NWD2: variants seen among roughly 807,000 people sequenced by gnomAD.
NWD2 encodes NACHT and WD repeat domain containing 2, also known as NACHT and WD repeat domain-containing protein 2.
In NWD2, 37 loss-of-function variants were observed where a neutral mutation model predicts 132.7. The observed-to-expected ratio is 0.28, with a 90% CI of 0.21 to 0.37. The LOEUF is 0.37. Among genes scored for constraint, NWD2 ranks in the 10% least tolerant of loss-of-function variants. The probability of loss-of-function intolerance (pLI) is 1.00; values close to 1 mark genes in which losing one functional copy is unlikely to be tolerated. For synonymous variants in NWD2, 705 were observed against 803.0 expected (o/e 0.88, Z 2.06); for missense variants, 1,592 against 2,122.4 (o/e 0.75, Z 4.91).
chr4:37,340,433 T>G (rs1475222286), intron 2 of NWD2, among the ~76,000 whole-genome samples: 3 of 152,192 alleles, frequency 2.0e-5, no homozygotes, highest in African/African-American at 7.2e-5. Context: ...GAGCCTCTGC[T>G]CTGTACCAGG....
intron 3 of NWD2, among the ~76,000 whole-genome samples, chr4:37,397,913 G>A (rs1720830781): frequency 6.6e-6 from 1 of 152,026 alleles, no homozygotes; most frequent in Non-Finnish European, 1.5e-5. Flanking sequence ...GTCTCATTGT[G>A]AGCACTCATT....
At chr4:37,304,100 A>G (rs1465227532) in intron 1 of NWD2, among the ~76,000 whole-genome samples, 1 of 152,222 alleles carries the variant, frequency 6.6e-6, no homozygotes, top group Non-Finnish European at 1.5e-5. Flanking sequence ...TAGGCTGTAC[A>G]GGAGGCATGG....
Position 37,245,109 on chromosome 4 carries a change from A to G in NWD2, c.42A>G (p.Arg14=). The G allele has an allele frequency of 6.5e-7, 1 of 1,547,286 alleles. No individual in the cohort carries two copies. Among genetic ancestry groups the G allele is most frequent in the Non-Finnish European group, 8.7e-7 (1 of 1,146,528 alleles). Residue 14 remains arginine (R), a synonymous_variant, in exon 1 of 7, where the codon CGA becomes CGG. Coordinates refer to ENST00000309447, the MANE Select transcript of NWD2 (RefSeq NM_001144990.2). ...AGAGTKLPCP[R]DSALRRAAFS... is the part of the protein sequence containing the mutation. ...CGGGCACCAAGCTGCCCTGTCCCCG[A>G]GACTCTGCGCTCCGGCGGGCGGCTT... is the stretch of plus-strand genomic sequence containing the variant.
intron 2 of NWD2, among the ~76,000 whole-genome samples, chr4:37,355,126 C>A (rs1719846907): frequency 2.0e-5 from 3 of 152,120 alleles, no homozygotes; most frequent in African/African-American, 4.8e-5. Flanking sequence ...TTAATTTTTA[C>A]TAATTTATAT....
intron 1 of NWD2, among the ~76,000 whole-genome samples, chr4:37,257,408 G>C (rs1386235083): frequency 6.6e-6 from 1 of 152,160 alleles, no homozygotes; most frequent in African/African-American, 2.4e-5. Context: ...GATTTTCCCA[G>C]ACTTGGGTAA....
intron 3 of NWD2, among the ~76,000 whole-genome samples, chr4:37,423,692 A>G (rs1199892363): frequency 6.6e-6 from 1 of 152,186 alleles, no homozygotes; most frequent in African/African-American, 2.4e-5. Flanking sequence ...CAGTCTACCA[A>G]TTCAAGTGCT....
At chr4:37,275,733 A>C (rs368491018) in intron 1 of NWD2, among the ~76,000 whole-genome samples, 257 of 152,316 alleles carry the variant, frequency 1.7e-3, no homozygotes, top group Middle Eastern at 0.01. Flanking sequence ...ACAGCATGGT[A>C]CTGGTACCAA....
In NWD2 at chr4:37,445,500, C is replaced by A; in HGVS notation, c.3512C>A (p.Thr1171Asn). The change falls in exon 7 of 7, where the codon ACT becomes AAT. Residue 1171 changes from threonine (T) to asparagine (N), a missense_variant. By Grantham distance (65) the Thr-to-Asn change is moderately conservative. Around this residue, in one of 7 missense-constraint regions of NWD2, gnomAD observed 1,071 missense variants for 1,398.0 expected, o/e 0.77. Coordinates refer to ENST00000309447, the MANE Select transcript of NWD2 (RefSeq NM_001144990.2). This position sits in a 1 kb window ranked among gnomAD's most constrained non-coding sequence, Gnocchi z 4.7. ...DSEGSLSVWN[T>N]EDISSPQLTD... ...GAAGGAAGTCTTTCTGTTTGGAATACTGAGGACATTTCCAGCCCCCAGCTG... is the reference window on the plus strand; with the variant it reads ...GAAGGAAGTCTTTCTGTTTGGAATAATGAGGACATTTCCAGCCCCCAGCTG... 1 of 1,551,834 alleles carries A rather than the reference C, an allele frequency of 6.4e-7. No homozygotes were observed. Among genetic ancestry groups the A allele is most frequent in the Non-Finnish European group, 8.7e-7 (1 of 1,147,042 alleles).
intron 1 of NWD2, among the ~76,000 whole-genome samples, chr4:37,291,342 C>T (rs1002709918): frequency 7.2e-5 from 11 of 151,890 alleles, no homozygotes; most frequent in African/African-American, 2.4e-4. Flanking sequence ...AAAAAATCTA[C>T]GGTGATTCAG....
chr4:37,431,769 C>CTT (rs1245779808), intron 4 of NWD2, among the ~76,000 whole-genome samples: 1 of 152,116 alleles, frequency 6.6e-6, no homozygotes, highest in Non-Finnish European at 1.5e-5. Context: ...AAATCCAAAG[C>CTT]TAAGAAACTA....
At chr4:37,354,871 T>C (rs1164549862) in intron 2 of NWD2, among the ~76,000 whole-genome samples, 1 of 152,208 alleles carries the variant, frequency 6.6e-6, no homozygotes, top group Non-Finnish European at 1.5e-5. Flanking sequence ...AAATGTTTTC[T>C]TTACTTTTTC....
chr4:37,295,997 C>A (rs777907576), intron 1 of NWD2, among the ~76,000 whole-genome samples: 1 of 152,292 alleles, frequency 6.6e-6, no homozygotes, highest in East Asian at 1.9e-4. Context: ...ATGCACTGAG[C>A]AATGTAAAAT....
At chr4:37,424,202 G>A (rs1357286155) in intron 3 of NWD2, among the ~76,000 whole-genome samples, 2 of 152,174 alleles carry the variant, frequency 1.3e-5, no homozygotes, top group Admixed American at 6.5e-5. Context: ...AGTACACAGG[G>A]TGCACATTCA....
At chr4:37,300,574 T>G (rs1044864385) in intron 1 of NWD2, among the ~76,000 whole-genome samples, 1 of 152,124 alleles carries the variant, frequency 6.6e-6, no homozygotes, top group African/African-American at 2.4e-5. Flanking sequence ...TTGCAGTAAC[T>G]TTATTTACTT....
At chr4:37,305,619 T>C (rs887470431) in intron 1 of NWD2, among the ~76,000 whole-genome samples, 1 of 152,238 alleles carries the variant, frequency 6.6e-6, no homozygotes, top group Non-Finnish European at 1.5e-5. Flanking sequence ...TGATGTAATG[T>C]ATCACATTTA....
At chr4:37,421,439 A>G (rs916895470) in intron 3 of NWD2, among the ~76,000 whole-genome samples, 3 of 152,222 alleles carry the variant, frequency 2.0e-5, no homozygotes, top group Non-Finnish European at 4.4e-5. Flanking sequence ...TTTCCAAGTA[A>G]TGAAACTTCC....
rs562962596 is a variant in NWD2 at position 37,372,734 on chromosome 4, A to G, written c.357+16252A>G. On this transcript the variant is annotated intron_variant, in intron 3 of 6. Coordinates refer to ENST00000309447, the MANE Select transcript of NWD2 (RefSeq NM_001144990.2). ...TTCTTTCCCTTTGGTTCCCAGATCT[A>G]CTGCCGCGTATCTTAAGTCACACCT... Among the ~76,000 whole-genome samples, 95 of 152,320 alleles carry G rather than the reference A, an allele frequency of 6.2e-4. 3 individuals carry two copies. In the South Asian group the frequency reaches 0.012, roughly 19 times the overall value.
chr4:37,394,136 T>C (rs1720732257), intron 3 of NWD2, among the ~76,000 whole-genome samples: 1 of 152,238 alleles, frequency 6.6e-6, no homozygotes. Flanking sequence ...CTCATTGTTA[T>C]CTATCTAGCA....
At position 37,434,027 on chromosome 4, in the gene NWD2, T is replaced by C. The variant is rs1037924914; in HGVS notation, c.706+7T>C. On this transcript the variant is annotated splice_region_variant and intron_variant, in intron 5 of 6. Coordinates refer to ENST00000309447, the MANE Select transcript of NWD2 (RefSeq NM_001144990.2). ...AAGAGGTACCTGTTCTCAGGTAATT[T>C]TCCCATACCTTCAGTAAAATAAGAA... The C allele has an allele frequency of 1.1e-5, 17 of 1,530,502 alleles. No individual in the cohort carries two copies. The African/African-American group carries it at 1.9e-4, about 17-fold the overall frequency. 94.8% of individuals were successfully genotyped at this position (1,530,502 alleles called of 1,614,324 possible).
Sources: allele counts gnomAD v4.1 joint callset (sites outside exome capture counted in the v4.1 genomes callset), GRCh38; gene constraint gnomAD v4.1.1; regional missense constraint gnomAD v4.1.1; non-coding constraint Gnocchi (gnomAD v3.1); transcripts MANE v1.5; gene names NCBI Gene and HGNC (gene_info 2026-07-23, HGNC 2026-07-21).